The following ASH1L variants were observed in gnomAD, a reference collection of about 807,000 sequenced individuals.
The protein encoded by ASH1L is histone-lysine N-methyltransferase ASH1L.
In ASH1L, 23 loss-of-function variants were observed where a neutral mutation model predicts 269.0. The ratio of observed to expected loss-of-function variants is 0.09; its 90% CI spans 0.06 to 0.12. ASH1L has a LOEUF of 0.12. ASH1L is among the 10% of genes least tolerant of loss of function. The probability of loss-of-function intolerance (pLI) is 1.00; values close to 1 mark genes in which losing one functional copy is unlikely to be tolerated. For missense variants in ASH1L, 2,912 were observed against 3,567.8 expected, an observed-to-expected ratio of 0.82 and a Z score of 4.68; for synonymous variants, 1,187 against 1,253.5, an observed-to-expected ratio of 0.95 and a Z score of 1.12.
intron 1 of ASH1L, among the ~76,000 whole-genome samples, chr1:155,556,163 CAT>C (rs1352497515): frequency 6.6e-6 from 1 of 152,172 alleles, no homozygotes; most frequent in African/African-American, 2.4e-5. Flanking sequence ...GGGAGGACCA[CAT>C]GAGTCCAAGA....
At chr1:155,448,256 G>A (rs1663179251) in intron 4 of ASH1L, among the ~76,000 whole-genome samples, 1 of 152,186 alleles carries the variant, frequency 6.6e-6, no homozygotes, top group Admixed American at 6.5e-5. Context: ...TAGCTCTGTA[G>A]CATAACTGAA....
intron 5 of ASH1L, among the ~76,000 whole-genome samples, chr1:155,424,987 T>A (rs1314997424): frequency 6.6e-6 from 1 of 151,876 alleles, no homozygotes; most frequent in African/African-American, 2.4e-5. Flanking sequence ...TGTTTTTTTT[T>A]TGAGACAGAG....
intron 1 of ASH1L, among the ~76,000 whole-genome samples, chr1:155,528,105 A>AT (rs1669400170): frequency 6.6e-6 from 1 of 152,168 alleles, no homozygotes; most frequent in Non-Finnish European, 1.5e-5. Flanking sequence ...TCAGATTCAC[A>AT]TATCTAAATG....
At chr1:155,526,463 T>TC (rs1479469917) in intron 1 of ASH1L, among the ~76,000 whole-genome samples, 2 of 152,212 alleles carry the variant, frequency 1.3e-5, no homozygotes, top group Non-Finnish European at 2.9e-5. Flanking sequence ...CTCTGTACCA[T>TC]CACAGCTAGT....
intron 1 of ASH1L, among the ~76,000 whole-genome samples, chr1:155,532,220 A>C (rs1669716733): frequency 6.6e-6 from 1 of 152,222 alleles, no homozygotes; most frequent in African/African-American, 2.4e-5. Context: ...TTCAAAGGAA[A>C]GTAACACTGT....
chr1:155,337,947 T>TA, intron 27 of ASH1L, 142 bp downstream of exon 27: 1 of 1,055,250 alleles, frequency 9.5e-7, no homozygotes, highest in Non-Finnish European at 1.3e-6. Flanking sequence ...ACTACCAAGA[T>TA]ACAACTAAAA....
chr1:155,389,572 C>A (rs911961935), intron 7 of ASH1L, among the ~76,000 whole-genome samples: 2 of 151,984 alleles, frequency 1.3e-5, no homozygotes, highest in African/African-American at 4.8e-5. Context: ...ACTCAGGAGG[C>A]TGAGGTGCAA....
intron 4 of ASH1L, among the ~76,000 whole-genome samples, chr1:155,444,599 T>C (rs1662854571): frequency 6.6e-6 from 1 of 152,098 alleles, no homozygotes; most frequent in Non-Finnish European, 1.5e-5. Flanking sequence ...ACATTTTCAT[T>C]TTCTTAAATA....
At chr1:155,477,133 T>G (rs1315479700) in intron 3 of ASH1L, among the ~76,000 whole-genome samples, 1 of 152,216 alleles carries the variant, frequency 6.6e-6, no homozygotes, top group Non-Finnish European at 1.5e-5. Flanking sequence ...GCTTAAGATC[T>G]CTCACAAAGA....
In ASH1L at chr1:155,481,669, T is replaced by C. The variant is rs754291047; in HGVS notation, c.1201A>G (p.Asn401Asp). The C allele has an allele frequency of 4.3e-6, 7 of 1,614,066 alleles. No individual in the cohort carries two copies. In the South Asian group the frequency reaches 4.4e-5, roughly 10 times the overall value. Residue 401 changes from asparagine to aspartate, a missense_variant, in exon 3 of 28, where the codon AAT (asparagine) becomes GAT (aspartate). By Grantham distance (23) the Asn-to-Asp change is conservative. Transcript: ENST00000392403. ...ATTAGTTTCTTTCCAATGTCCTTATTAACCAATCCCATTGCTGAACTTGCT... is the reference window on the plus strand; with the variant it reads ...ATTAGTTTCTTTCCAATGTCCTTATCAACCAATCCCATTGCTGAACTTGCT... ...IVASSAMGLV[N>D]KDIGKKLMSC...
intron 5 of ASH1L, among the ~76,000 whole-genome samples, chr1:155,426,910 A>G (rs2148581975): frequency 6.6e-6 from 1 of 152,222 alleles, no homozygotes; most frequent in East Asian, 1.9e-4. Context: ...ACAGAATCCA[A>G]TTTCCTTCTG....
intron 5 of ASH1L, among the ~76,000 whole-genome samples, chr1:155,423,339 G>A (rs1345601076): frequency 1.3e-5 from 2 of 151,782 alleles, no homozygotes; most frequent in African/African-American, 4.8e-5. Flanking sequence ...CCAGCACGTT[G>A]GGAGGCCGAG....
At chr1:155,387,124 C>A (rs1371484024) in intron 7 of ASH1L, among the ~76,000 whole-genome samples, 1 of 152,078 alleles carries the variant, frequency 6.6e-6, no homozygotes, top group Non-Finnish European at 1.5e-5. Flanking sequence ...TAGGCATGTG[C>A]CACCACACCC....
At chr1:155,468,248 A>G in intron 3 of ASH1L, among the ~76,000 whole-genome samples, 1 of 139,708 alleles carries the variant, frequency 7.2e-6, no homozygotes, top group East Asian at 2.0e-4. Flanking sequence ...TTTTCTGCTT[A>G]GATTTAACAC....
intron 2 of ASH1L, among the ~76,000 whole-genome samples, chr1:155,512,321 G>A (rs999314680): frequency 1.3e-5 from 2 of 151,766 alleles, no homozygotes; most frequent in Non-Finnish European, 2.9e-5. Flanking sequence ...GGAGGCTGAG[G>A]CAGGAGAATG....
At chr1:155,407,565 T>C (rs1192365232) in intron 6 of ASH1L, among the ~76,000 whole-genome samples, 2 of 152,170 alleles carry the variant, frequency 1.3e-5, no homozygotes, top group African/African-American at 2.4e-5. Flanking sequence ...GAAGTATCTA[T>C]ATAATCTAAT....
intron 2 of ASH1L, among the ~76,000 whole-genome samples, chr1:155,496,024 A>C (rs1001024577): frequency 6.6e-6 from 1 of 152,156 alleles, no homozygotes; most frequent in Non-Finnish European, 1.5e-5. Flanking sequence ...TAAATAAAAC[A>C]AAACAAATTA....
intron 3 of ASH1L, among the ~76,000 whole-genome samples, chr1:155,462,915 G>GT (rs1459977131): frequency 6.6e-6 from 1 of 152,190 alleles, no homozygotes; most frequent in African/African-American, 2.4e-5. Flanking sequence ...CACAGAGGCA[G>GT]TAAGAAGATG....
intron 15 of ASH1L, 23 bp from the exon 16 acceptor site, chr1:155,354,653 T>C (rs1488816918): frequency 6.2e-7 from 1 of 1,600,926 alleles, no homozygotes; most frequent in African/African-American, 1.3e-5. Context: ...AAAAAAAATC[T>C]TCCTTTATTC....
Sources: allele counts gnomAD v4.1 joint callset (sites outside exome capture counted in the v4.1 genomes callset), GRCh38; gene constraint gnomAD v4.1.1; transcripts MANE v1.5; gene names NCBI Gene and HGNC (gene_info 2026-07-23, HGNC 2026-07-21).